OCA2: variants seen among roughly 807,000 people sequenced by gnomAD.
OCA2 encodes OCA2 melanosomal transmembrane protein.
In OCA2, 77 loss-of-function variants were observed where a neutral mutation model predicts 100.2. The observed-to-expected ratio is 0.77, with a 90% confidence interval of 0.64 to 0.93. The LOEUF (loss-of-function observed/expected upper bound fraction) is 0.93, where lower values mean the gene tolerates loss of function less well. Among genes scored for constraint, OCA2 ranks in the 40% least tolerant of loss-of-function variants. The probability of loss-of-function intolerance (pLI) is 0.00; values close to 1 mark genes in which losing one functional copy is unlikely to be tolerated. For missense variants in OCA2, 1,062 were observed against 1,089.1 expected (o/e 0.98, Z 0.35); for synonymous variants, 432 against 439.2 (o/e 0.98, Z 0.21).
intron 23 of OCA2, among the ~76,000 whole-genome samples, chr15:27,822,344 T>A (rs993434461): frequency 6.6e-6 from 1 of 152,212 alleles, no homozygotes; most frequent in Non-Finnish European, 1.5e-5. Flanking sequence ...TTGAGAATCT[T>A]CCATGCTGCT....
intron 19 of OCA2, among the ~76,000 whole-genome samples, chr15:27,907,872 G>C (rs1439497097): frequency 2.6e-5 from 4 of 152,060 alleles, no homozygotes; most frequent in Non-Finnish European, 5.9e-5. Flanking sequence ...GAAATAACTA[G>C]CCCACTCCCA....
chr15:28,066,341 A>T (rs1421937603), intron 2 of OCA2, among the ~76,000 whole-genome samples: 1 of 152,148 alleles, frequency 6.6e-6, no homozygotes, highest in Non-Finnish European at 1.5e-5. Flanking sequence ...TCACTGACTA[A>T]TGGGAATCCT....
rs530248409 is a variant in OCA2 at position 27,960,926 on chromosome 15, G to A, written c.1637-3191C>T. On this transcript the variant is annotated intron_variant, in intron 15 of 23. Transcript: ENST00000354638. ...ATCTCAAAAAAAAAAAAAAAAAAAT[G>A]GTAACAAAAGCCAAAATTGACAAAT... is the stretch of plus-strand genomic sequence containing the variant. 2.7e-3 allele frequency among the ~76,000 whole-genome samples: 391 copies of A among 147,504 alleles called. 1 individual carries two copies. The highest frequency in any genetic ancestry group is 9.3e-3 in the African/African-American group (372 of 39,916).
intron 14 of OCA2, among the ~76,000 whole-genome samples, chr15:27,979,845 A>T (rs1336775538): frequency 1.4e-5 from 2 of 147,886 alleles, no homozygotes; most frequent in Non-Finnish European, 3.0e-5. Flanking sequence ...GACTACAAGC[A>T]CGTGCCACCA....
chr15:28,076,140 A>G (rs2044419842), intron 2 of OCA2, among the ~76,000 whole-genome samples: 1 of 152,216 alleles, frequency 6.6e-6, no homozygotes, highest in Non-Finnish European at 1.5e-5. Flanking sequence ...ATTATGTAAA[A>G]ACTTGTATTA....
intron 19 of OCA2, among the ~76,000 whole-genome samples, chr15:27,908,524 A>G (rs2038264703): frequency 6.6e-6 from 1 of 152,196 alleles, no homozygotes; most frequent in Non-Finnish European, 1.5e-5. Context: ...GATTTTCTAG[A>G]GGAATTCTGC....
intron 2 of OCA2, among the ~76,000 whole-genome samples, chr15:28,032,807 AAAC>A (rs2042947890): frequency 1.3e-5 from 2 of 151,696 alleles, no homozygotes; most frequent in Non-Finnish European, 2.9e-5. Flanking sequence ...AAAAAAAAAA[AAAC>A]AAAACAAAAA....
chr15:27,923,246 T>C (rs965700491), intron 19 of OCA2, among the ~76,000 whole-genome samples: 1 of 152,250 alleles, frequency 6.6e-6, no homozygotes, highest in African/African-American at 2.4e-5. Flanking sequence ...TTATCCAGTC[T>C]ACCACTGAAG....
intron 14 of OCA2, among the ~76,000 whole-genome samples, chr15:27,972,624 CAT>C (rs1331223874): frequency 2.0e-5 from 3 of 151,922 alleles, no homozygotes; most frequent in Admixed American, 6.6e-5. Flanking sequence ...AGCATTTTTT[CAT>C]ATGTTTCTTG....
At chr15:27,772,439 G>A (rs1360527160) in intron 23 of OCA2, among the ~76,000 whole-genome samples, 1 of 152,166 alleles carries the variant, frequency 6.6e-6, no homozygotes, top group East Asian at 1.9e-4. Flanking sequence ...TTGAAGAAAT[G>A]TTGGAAAATA....
At chr15:27,871,046 T>G in intron 21 of OCA2, 108 bp downstream of exon 21, 1 of 839,824 alleles carries the variant, frequency 1.2e-6, no homozygotes, top group South Asian at 1.4e-5. Context: ...CACCTGTGAG[T>G]GCAGCAGAGG....
intron 23 of OCA2, among the ~76,000 whole-genome samples, chr15:27,791,406 A>T (rs1332001417): frequency 6.6e-6 from 1 of 152,204 alleles, no homozygotes; most frequent in Admixed American, 6.5e-5. Context: ...AAGAAGCCAG[A>T]CCCAAAAGGC....
chr15:27,960,706 C>T (rs967460201), intron 15 of OCA2, among the ~76,000 whole-genome samples: 1 of 152,042 alleles, frequency 6.6e-6, no homozygotes, highest in Admixed American at 6.6e-5. Context: ...AGTTCGAGGC[C>T]AGCCTGGCCA....
In OCA2 at chr15:27,851,404, C is replaced by G; in HGVS notation, c.2316G>C (p.Leu772=). ...GLPAPPLMYA[L]AFGACLGGNG... ...TACCTCCCAGGCAAGCACCGAAGGCCAGGGCATACATGAGCGGCGGTGCGG... is the reference window on the plus strand; with the variant it reads ...TACCTCCCAGGCAAGCACCGAAGGCGAGGGCATACATGAGCGGCGGTGCGG... The change falls in exon 22 of 24, where the codon CTG becomes CTC. Residue 772 remains leucine (L), a synonymous_variant. Coordinates refer to ENST00000354638, the MANE Select transcript of OCA2 (RefSeq NM_000275.3). The G allele has an allele frequency of 6.2e-7, 1 of 1,614,020 alleles. No homozygotes were observed. Among genetic ancestry groups the G allele is most frequent in the South Asian group, 1.1e-5 (1 of 91,012 alleles).
intron 19 of OCA2, among the ~76,000 whole-genome samples, chr15:27,879,613 T>C (rs2036932823): frequency 6.6e-6 from 1 of 152,184 alleles, no homozygotes; most frequent in Non-Finnish European, 1.5e-5. Context: ...GATGTTGAGA[T>C]TTTTTTCTTA....
chr15:27,802,721 A>G (rs1034237322), intron 23 of OCA2, among the ~76,000 whole-genome samples: 1 of 152,138 alleles, frequency 6.6e-6, no homozygotes, highest in African/African-American at 2.4e-5. Context: ...CCCCTCCCAC[A>G]CCCAAAATAA....
intron 18 of OCA2, among the ~76,000 whole-genome samples, chr15:27,944,566 C>G (rs766485366): frequency 2.0e-5 from 3 of 152,142 alleles, no homozygotes; most frequent in African/African-American, 7.2e-5. Flanking sequence ...TTTTGAGATA[C>G]GTTTTCAGGG....
chr15:28,031,795 C>G (rs1266893941), intron 3 of OCA2, among the ~76,000 whole-genome samples: 6 of 152,138 alleles, frequency 3.9e-5, no homozygotes, highest in Admixed American at 2.0e-4. Flanking sequence ...GAAACCCCAG[C>G]CTGGTAAGAC....
intron 2 of OCA2, among the ~76,000 whole-genome samples, chr15:28,040,395 A>G (rs564343699): frequency 6.6e-6 from 1 of 152,366 alleles, no homozygotes; most frequent in South Asian, 2.1e-4. Flanking sequence ...AAATGCTGAC[A>G]TTAAAAAAGA....
Sources: gnomAD v4.1 joint callset for allele counts (sites outside exome capture counted in the v4.1 genomes callset) on GRCh38, gnomAD v4.1.1 for gene constraint, MANE v1.5 for transcripts, NCBI Gene and HGNC (gene_info 2026-07-23, HGNC 2026-07-21) for gene names.